The following NAALADL2 variants were observed in gnomAD, a reference collection of about 807,000 sequenced individuals.
NAALADL2 encodes the protein inactive N-acetylated-alpha-linked acidic dipeptidase-like protein 2.
NAALADL2 carries 76 observed loss-of-function variants against 87.2 expected under a neutral mutation model. The observed-to-expected ratio is 0.87, with a 90% CI of 0.72 to 1.05. The LOEUF is 1.05. Among genes scored for constraint, NAALADL2 ranks in the 50% least tolerant of loss-of-function variants. The pLI is 0.00. For synonymous variants in NAALADL2, 354 were observed against 331.0 expected (o/e 1.07, Z -0.75); for missense variants, 1,089 against 945.8 (o/e 1.15, Z -1.99).
At chr3:175,057,593 C>T (rs1712494065) in intron 1 of NAALADL2, among the ~76,000 whole-genome samples, 1 of 152,166 alleles carries the variant, frequency 6.6e-6, no homozygotes, top group South Asian at 2.1e-4. Context: ...GACTCATTAA[C>T]ATTCCCCTCC....
intron 1 of NAALADL2, among the ~76,000 whole-genome samples, chr3:175,077,260 G>T (rs566632257): frequency 1.3e-5 from 2 of 152,126 alleles, no homozygotes; most frequent in Non-Finnish European, 2.9e-5. Context: ...TGTGTAAAAC[G>T]ATTGGAGAGA....
intron 13 of NAALADL2, among the ~76,000 whole-genome samples, chr3:175,787,766 T>TA (rs1003287811): frequency 1.3e-5 from 2 of 151,876 alleles, no homozygotes; most frequent in East Asian, 1.9e-4. Context: ...AACAAAGATA[T>TA]AAAAAAAAGA....
chr3:175,085,860 A>C (rs560835460), intron 1 of NAALADL2, among the ~76,000 whole-genome samples: 1 of 152,180 alleles, frequency 6.6e-6, no homozygotes, highest in East Asian at 1.9e-4. Flanking sequence ...AGAGGTTGCA[A>C]TAAGCAGAGA....
chr3:175,363,055 TTATTG>T (rs1379786385), intron 5 of NAALADL2, among the ~76,000 whole-genome samples: 11 of 147,800 alleles, frequency 7.4e-5, no homozygotes, highest in African/African-American at 2.7e-4. Flanking sequence ...TTGTATTATC[TTATTG>T]TATTATCTTG....
At chr3:174,963,906 A>G (rs1742493128) in intron 1 of NAALADL2, among the ~76,000 whole-genome samples, 1 of 152,120 alleles carries the variant, frequency 6.6e-6, no homozygotes, top group Non-Finnish European at 1.5e-5. Flanking sequence ...AAAGAAGATA[A>G]TCATTTGTTG....
At chr3:174,581,323 T>G (rs1353319285) in intron 2 of NAALADL2, among the ~76,000 whole-genome samples, 1 of 152,036 alleles carries the variant, frequency 6.6e-6, no homozygotes, top group African/African-American at 2.4e-5. Flanking sequence ...ATGCAAAACA[T>G]GAAATAAAAT....
intron 5 of NAALADL2, among the ~76,000 whole-genome samples, chr3:175,343,486 G>A (rs1315025012): frequency 6.6e-6 from 1 of 151,818 alleles, no homozygotes; most frequent in East Asian, 1.9e-4. Context: ...TGACAGCCAA[G>A]AAACCAAGAA....
chr3:175,513,232 T>C (rs1188084924), intron 9 of NAALADL2, among the ~76,000 whole-genome samples: 2 of 152,080 alleles, frequency 1.3e-5, no homozygotes, highest in African/African-American at 2.4e-5. Context: ...AAAATAAAGA[T>C]CCTAAAAGAA....
At chr3:175,655,919 A>C (rs117473408) in intron 11 of NAALADL2, among the ~76,000 whole-genome samples, 1 of 152,300 alleles carries the variant, frequency 6.6e-6, no homozygotes, top group East Asian at 1.9e-4. Flanking sequence ...TGTGCATCTT[A>C]CATGGCTTGC....
intron 3 of NAALADL2, among the ~76,000 whole-genome samples, chr3:174,779,114 A>G (rs1715603449): frequency 6.6e-6 from 1 of 152,078 alleles, no homozygotes; most frequent in Non-Finnish European, 1.5e-5. Context: ...AAGTGTTCCT[A>G]TTTTTCCACA....
At chr3:174,659,800 T>A (rs565937095) in intron 2 of NAALADL2, among the ~76,000 whole-genome samples, 1 of 152,302 alleles carries the variant, frequency 6.6e-6, no homozygotes, top group South Asian at 2.1e-4. Context: ...CGTTTTTTAA[T>A]AGCTCCTGCT....
intron 13 of NAALADL2, among the ~76,000 whole-genome samples, chr3:175,800,106 A>C (rs927338681): frequency 6.6e-6 from 1 of 152,126 alleles, no homozygotes; most frequent in Non-Finnish European, 1.5e-5. Context: ...GTGTATGGGC[A>C]TAGATTGTGC....
chr3:175,446,101 T>A (rs1720639489), intron 5 of NAALADL2, among the ~76,000 whole-genome samples: 3 of 152,214 alleles, frequency 2.0e-5, no homozygotes, highest in Admixed American at 2.0e-4. Flanking sequence ...TTAATAGACC[T>A]GTTTTTGGTA....
At chr3:175,061,341 G>A (rs746331711) in intron 1 of NAALADL2, among the ~76,000 whole-genome samples, 2 of 152,054 alleles carry the variant, frequency 1.3e-5, no homozygotes, top group Admixed American at 6.6e-5. Flanking sequence ...ATGATCAGCT[G>A]GTTTTATTAT....
intron 3 of NAALADL2, among the ~76,000 whole-genome samples, chr3:174,783,162 T>G (rs1450904202): frequency 6.6e-6 from 1 of 152,200 alleles, no homozygotes; most frequent in Non-Finnish European, 1.5e-5. Flanking sequence ...ATAATTTGCA[T>G]CATCTTAAAC....
intron 1 of NAALADL2, among the ~76,000 whole-genome samples, chr3:174,997,839 C>A (rs73048946): frequency 0.12 from 16,655 of 139,610 alleles, 1,201 homozygotes; most frequent in East Asian, 0.29. Flanking sequence ...AAGCAAACAA[C>A]AACAACAACA....
At chr3:175,766,331 A>G (rs1748674565) in intron 13 of NAALADL2, among the ~76,000 whole-genome samples, 1 of 152,188 alleles carries the variant, frequency 6.6e-6, no homozygotes, top group African/African-American at 2.4e-5. Flanking sequence ...AATATAGTAT[A>G]GAGGGGGGCT....
At chr3:174,526,557 G>C (rs1720765952) in intron 1 of NAALADL2, among the ~76,000 whole-genome samples, 1 of 152,054 alleles carries the variant, frequency 6.6e-6, no homozygotes, top group African/African-American at 2.4e-5. Context: ...GATAATTGAT[G>C]AATCACTTTC....
At chr3:175,744,582 T>TA (rs1443169516) in intron 12 of NAALADL2, among the ~76,000 whole-genome samples, 1 of 152,252 alleles carries the variant, frequency 6.6e-6, no homozygotes, top group Non-Finnish European at 1.5e-5. Context: ...ATAAAATTAA[T>TA]AAAACCTGAC....
Sources: allele counts gnomAD v4.1 joint callset (sites outside exome capture counted in the v4.1 genomes callset), GRCh38; gene constraint gnomAD v4.1.1; transcripts MANE v1.5; gene names NCBI Gene and HGNC (gene_info 2026-07-23, HGNC 2026-07-21).